The following ADAMTSL1 variants were observed in gnomAD, a reference collection of about 807,000 sequenced individuals.
ADAMTSL1 encodes the protein ADAMTS like 1.
A neutral mutation model predicts 201.8 loss-of-function variants in ADAMTSL1; 126 were observed. The ratio of observed to expected loss-of-function variants is 0.62; its 90% CI spans 0.54 to 0.72. ADAMTSL1 has a LOEUF of 0.72. Among genes scored for constraint, ADAMTSL1 ranks in the 30% least tolerant of loss-of-function variants. The probability of loss-of-function intolerance (pLI) is 0.00; values close to 1 mark genes in which losing one functional copy is unlikely to be tolerated. For synonymous variants in ADAMTSL1, 1,121 were observed against 903.4 expected, an observed-to-expected ratio of 1.24 and a Z score of -4.32; for missense variants, 2,679 against 2,277.8, an observed-to-expected ratio of 1.18 and a Z score of -3.59.
At chr9:18,350,585 G>C (rs1835923752) in intron 2 of ADAMTSL1, among the ~76,000 whole-genome samples, 1 of 152,226 alleles carries the variant, frequency 6.6e-6, no homozygotes, top group African/African-American at 2.4e-5. Flanking sequence ...AGAAAGGTAG[G>C]GGGTGTTCTT....
chr9:18,743,281 C>CA (rs1818946995), intron 15 of ADAMTSL1, among the ~76,000 whole-genome samples: 6 of 152,008 alleles, frequency 3.9e-5, no homozygotes, highest in Admixed American at 3.9e-4. Flanking sequence ...TATAATTGGA[C>CA]CTAGTTTTGG....
intron 1 of ADAMTSL1, among the ~76,000 whole-genome samples, chr9:18,036,203 A>G (rs1821188742): frequency 6.6e-6 from 1 of 152,210 alleles, no homozygotes; most frequent in Non-Finnish European, 1.5e-5. Context: ...AAGGAATTGT[A>G]ATAAGTCAAG....
chr9:18,742,679 A>G (rs184019486), intron 15 of ADAMTSL1, among the ~76,000 whole-genome samples: 267 of 152,268 alleles, frequency 1.8e-3, no homozygotes, highest in Non-Finnish European at 2.1e-3. Flanking sequence ...AAAGAGAAAC[A>G]TGGTGTATTG....
intron 1 of ADAMTSL1, among the ~76,000 whole-genome samples, chr9:18,057,488 G>T (rs966590642): frequency 3.9e-5 from 6 of 152,198 alleles, no homozygotes; most frequent in Admixed American, 2.6e-4. Context: ...GTTGGCAACA[G>T]GGGGACTTGC....
intron 3 of ADAMTSL1, among the ~76,000 whole-genome samples, chr9:18,558,179 G>T (rs891081057): frequency 6.6e-6 from 1 of 151,960 alleles, no homozygotes; most frequent in South Asian, 2.1e-4. Context: ...CTCCCAACAG[G>T]CCCCAGTGTG....
intron 1 of ADAMTSL1, among the ~76,000 whole-genome samples, chr9:18,027,154 A>G (rs1820734842): frequency 6.7e-6 from 1 of 149,382 alleles, no homozygotes; most frequent in African/African-American, 2.5e-5. Context: ...TGATCCTTTC[A>G]TAGAACAAAC....
chr9:18,094,727 A>AT lies in ADAMTSL1; in HGVS notation c.88-69123dup, dbSNP rs1054565795. On this transcript the variant is annotated intron_variant, in intron 1 of 29. Coordinates refer to the ADAMTSL1 transcript ENST00000680146. ...AGGTGCACGCCACCATGCCCAGCTA[A>AT]TTTTTTTTTTTTGTATTTTTTGTAG... Among the ~76,000 whole-genome samples, 318 of 146,072 alleles carry AT rather than the reference A, an allele frequency of 2.2e-3. 1 individual carries two copies. The highest frequency in any genetic ancestry group is 4.1e-3 in the African/African-American group (163 of 39,986).
Position 18,775,692 on chromosome 9 carries a change from A to G in ADAMTSL1, c.2398-51A>G. On this transcript the variant is annotated intron_variant, in intron 17 of 28. Coordinates refer to ENST00000380548, the MANE Select transcript of ADAMTSL1 (RefSeq NM_001040272.6). ...GAGTTTGACAGTCTATTAAAAAATT[A>G]GCTTCTAGTTCCCAGAATTTATGTG... is the stretch of plus-strand genomic sequence containing the variant. 3 of 1,586,408 alleles carry G rather than the reference A, an allele frequency of 1.9e-6. No individual in the cohort carries two copies. The South Asian group carries it at 3.5e-5, about 18-fold the overall frequency.
Position 18,826,344 on chromosome 9 carries a change from A to G in ADAMTSL1, c.3995A>G (p.His1332Arg). ...RNKSKLGSPH[H>R]LHEGSLLLTN... ...AAAAGCAAACTGGGCTCCCCGCACC[A>G]TCTGCACGAAGGCTCCTTGCTGCTC... Residue 1332 changes from histidine to arginine, a missense_variant, in exon 22 of 29, where the codon CAT becomes CGT. Physicochemically the swap from His to Arg is conservative, Grantham distance 29. Transcript: ENST00000380548. 1.2e-6 allele frequency: 2 copies of G among 1,613,428 alleles called. No homozygotes were observed. Among genetic ancestry groups the G allele is most frequent in the Non-Finnish European group, 1.7e-6 (2 of 1,179,790 alleles).
chr9:17,985,217 G>A (rs538258841), intron 1 of ADAMTSL1, among the ~76,000 whole-genome samples: 1 of 152,028 alleles, frequency 6.6e-6, no homozygotes, highest in East Asian at 1.9e-4. Context: ...CTTTTTTGAT[G>A]GTTAATAAGA....
At chr9:18,517,687 C>T (rs535736781) in intron 2 of ADAMTSL1, among the ~76,000 whole-genome samples, 82 of 151,666 alleles carry the variant, frequency 5.4e-4, no homozygotes, top group Admixed American at 8.6e-4. Flanking sequence ...TTTGTTCTTG[C>T]GATAGTTTAC....
intron 23 of ADAMTSL1, among the ~76,000 whole-genome samples, chr9:18,839,190 C>G (rs1825545091): frequency 1.7e-5 from 2 of 120,488 alleles, no homozygotes; most frequent in South Asian, 6.8e-4. Context: ...CCCCTCCCCC[C>G]ACCCCACAAC....
intron 24 of ADAMTSL1, 124 bp from the exon 25 acceptor site, chr9:18,889,444 T>G: frequency 9.6e-7 from 1 of 1,044,942 alleles, no homozygotes; most frequent in Non-Finnish European, 1.4e-6. Flanking sequence ...TCATTTATAA[T>G]AGCTCCTCTC....
At chr9:18,330,894 T>A (rs958456378) in intron 2 of ADAMTSL1, among the ~76,000 whole-genome samples, 14 of 152,290 alleles carry the variant, frequency 9.2e-5, no homozygotes, top group African/African-American at 3.4e-4. Context: ...CCAGGGACTG[T>A]CCCAGATTTT....
At chr9:18,122,797 T>C (rs1302333350) in intron 1 of ADAMTSL1, among the ~76,000 whole-genome samples, 1 of 152,114 alleles carries the variant, frequency 6.6e-6, no homozygotes, top group Non-Finnish European at 1.5e-5. Flanking sequence ...TTTGTTTTTT[T>C]GGGGACTAGG....
intron 1 of ADAMTSL1, among the ~76,000 whole-genome samples, chr9:18,046,330 T>G (rs1821657182): frequency 6.6e-6 from 1 of 152,194 alleles, no homozygotes. Context: ...CCACCTTTAA[T>G]GCATGGCTTT....
intron 2 of ADAMTSL1, among the ~76,000 whole-genome samples, chr9:18,194,305 GGAAGACACCAGTAGA>G (rs1375851956): frequency 1.3e-5 from 2 of 152,016 alleles, no homozygotes; most frequent in African/African-American, 4.8e-5. Context: ...CAGGCAGAAA[GGAAGACACCAGTAGA>G]GAAGACATTG....
intron 3 of ADAMTSL1, among the ~76,000 whole-genome samples, chr9:18,542,984 G>A (rs982033981): frequency 2.6e-5 from 4 of 152,108 alleles, no homozygotes; most frequent in Admixed American, 1.3e-4. Context: ...GCTTATAATG[G>A]CCCTTCCTTT....
chr9:18,598,142 G>A (rs1824386967), intron 4 of ADAMTSL1, among the ~76,000 whole-genome samples: 1 of 152,108 alleles, frequency 6.6e-6, no homozygotes, highest in Non-Finnish European at 1.5e-5. Flanking sequence ...GAGACCCTGG[G>A]GATATTTTGA....
Sources: allele counts gnomAD v4.1 joint callset (sites outside exome capture counted in the v4.1 genomes callset), GRCh38; gene constraint gnomAD v4.1.1; transcripts MANE v1.5; gene names NCBI Gene and HGNC (gene_info 2026-07-23, HGNC 2026-07-21).